SUPT3H: variants seen among roughly 807,000 people sequenced by gnomAD.
The protein encoded by SUPT3H is SPT3 homolog, SAGA and STAGA complex component.
Under a neutral mutation model 44.3 loss-of-function variants are expected in SUPT3H, and 44 were observed. The observed-to-expected ratio is 0.99, with a 90% CI of 0.78 to 1.28. The LOEUF is 1.28. Among genes scored for constraint, SUPT3H ranks in the 50% most tolerant of loss-of-function variants. The probability of loss-of-function intolerance (pLI) is 0.00; values close to 1 mark genes in which losing one functional copy is unlikely to be tolerated. For missense variants in SUPT3H, 380 were observed against 387.1 expected (o/e 0.98, Z 0.15); for synonymous variants, 124 against 125.6 (o/e 0.99, Z 0.09).
intron 7 of SUPT3H, among the ~76,000 whole-genome samples, chr6:44,954,899 T>C (rs925642476): frequency 2.0e-5 from 3 of 152,218 alleles, no homozygotes; most frequent in African/African-American, 7.2e-5. Context: ...GTTTAATACT[T>C]CTCACACTGT....
intron 5 of SUPT3H, among the ~76,000 whole-genome samples, chr6:45,010,351 T>C (rs1783303571): frequency 1.3e-5 from 2 of 152,138 alleles, no homozygotes; most frequent in African/African-American, 4.8e-5. Context: ...AACACCTGGC[T>C]AAAACCTTCA....
intron 6 of SUPT3H, among the ~76,000 whole-genome samples, chr6:44,973,262 C>T (rs191671452): frequency 3.0e-4 from 45 of 152,274 alleles, no homozygotes; most frequent in African/African-American, 1.1e-3. Context: ...TCATCTCTCC[C>T]CAGTTCAAAG....
intron 10 of SUPT3H, among the ~76,000 whole-genome samples, chr6:44,882,033 G>T (rs1778315498): frequency 6.6e-6 from 1 of 152,214 alleles, no homozygotes; most frequent in African/African-American, 2.4e-5. Context: ...ACATAACTAA[G>T]ATCAGAGCAG....
chr6:45,287,270 T>A (rs7751748), intron 2 of SUPT3H, among the ~76,000 whole-genome samples: 118,487 of 141,818 alleles, frequency 0.84, 47,677 homozygotes, highest in East Asian at 0.99. Flanking sequence ...ATAAAAAATA[T>A]AAAAAATTAT....
intron 3 of SUPT3H, among the ~76,000 whole-genome samples, chr6:45,055,894 A>C (rs1476050037): frequency 6.6e-6 from 1 of 152,242 alleles, no homozygotes; most frequent in Non-Finnish European, 1.5e-5. Flanking sequence ...GACAACACAC[A>C]GAATGGGAGA....
chr6:45,058,376 AT>A (rs951004887), intron 3 of SUPT3H, among the ~76,000 whole-genome samples: 9 of 152,108 alleles, frequency 5.9e-5, no homozygotes, highest in Non-Finnish European at 1.2e-4. Flanking sequence ...TATATTCACT[AT>A]TTAAACTCTT....
chr6:44,892,249 T>A (rs1763422663), intron 10 of SUPT3H, among the ~76,000 whole-genome samples: 1 of 152,008 alleles, frequency 6.6e-6, no homozygotes, highest in Non-Finnish European at 1.5e-5. Context: ...AATGAGCTCA[T>A]ATGGTTAGGG....
In SUPT3H at chr6:45,032,486, T is replaced by A. The variant is rs550962250; in HGVS notation, c.187-11854A>T. ...GGCTAGGGAGAAGTTAAGACAGCAA[T>A]GTATATAGAAAAGGAAAAGAGATTC... On this transcript the variant is annotated intron_variant, in intron 3 of 10. Coordinates refer to ENST00000371459, the MANE Select transcript of SUPT3H (RefSeq NM_003599.4). Among the ~76,000 whole-genome samples the A allele has an allele frequency of 3.9e-5, 6 of 152,302 alleles. No individual in the cohort carries two copies. In the South Asian group the frequency reaches 1.2e-3, roughly 32 times the overall value.
chr6:45,310,697 C>T (rs1229360097), intron 2 of SUPT3H, among the ~76,000 whole-genome samples: 1 of 152,138 alleles, frequency 6.6e-6, no homozygotes, highest in East Asian at 1.9e-4. Context: ...GGCAGTTTGG[C>T]TCACAGGAAG....
At position 45,193,190 on chromosome 6, in the gene SUPT3H, CAG is replaced by C. The variant is rs1431585845; in HGVS notation, c.102-87186_102-87185del. 2.6e-5 allele frequency among the ~76,000 whole-genome samples: 4 copies of C among 152,150 alleles called. No individual in the cohort carries two copies. In the East Asian group the frequency reaches 7.7e-4, roughly 29 times the overall value. On this transcript the variant is annotated intron_variant, in intron 2 of 10. Transcript: ENST00000371459. ...TAAATGTTCTTTGAAACTCTCGATTCAGAATAACACATGTACACCAAAAAAAC... is the reference window on the plus strand; with the variant it reads ...TAAATGTTCTTTGAAACTCTCGATTCAATAACACATGTACACCAAAAAAAC...
chr6:45,280,593 TTTGA>T (rs1400379837), intron 2 of SUPT3H, among the ~76,000 whole-genome samples: 2 of 152,188 alleles, frequency 1.3e-5, no homozygotes, highest in Non-Finnish European at 2.9e-5. Context: ...AGGTTTATAC[TTTGA>T]TTATCATTTG....
At chr6:44,919,004 T>C (rs1562044458) in intron 10 of SUPT3H, among the ~76,000 whole-genome samples, 1 of 152,218 alleles carries the variant, frequency 6.6e-6, no homozygotes, top group South Asian at 2.1e-4. Context: ...GTATGGGTGA[T>C]GATGAACTAC....
chr6:44,810,887 CAG>C (rs1766468139), intron 11 of SUPT3H, among the ~76,000 whole-genome samples: 1 of 148,556 alleles, frequency 6.7e-6, no homozygotes, highest in South Asian at 2.1e-4. Flanking sequence ...GCCTGGATGA[CAG>C]AGCGAGAGAC....
intron 1 of SUPT3H, among the ~76,000 whole-genome samples, chr6:45,375,311 T>A (rs1796628762): frequency 6.6e-6 from 1 of 152,236 alleles, no homozygotes; most frequent in African/African-American, 2.4e-5. Flanking sequence ...TATGATGTGG[T>A]CCCAATTCGA....
At chr6:44,919,659 G>T (rs7751298) in intron 10 of SUPT3H, among the ~76,000 whole-genome samples, 16,046 of 152,022 alleles carry the variant, frequency 0.11, 1,042 homozygotes, top group African/African-American at 0.18. Flanking sequence ...TTGTAAACTT[G>T]CTATTTTTTT....
intron 3 of SUPT3H, among the ~76,000 whole-genome samples, chr6:45,104,470 C>G (rs1799007399): frequency 6.6e-6 from 1 of 150,690 alleles, no homozygotes; most frequent in African/African-American, 2.5e-5. Flanking sequence ...AAGAATTCCA[C>G]TATCTTTCAA....
Position 45,069,613 on chromosome 6 carries a change from T to C in SUPT3H, c.186+36309A>G, listed in dbSNP as rs117365082. ...CACTCATAGTCACCTTCCTATTTCC[T>C]AGAAAGTTCCTGTGAAGAGTTTTAA... On this transcript the variant is annotated intron_variant, in intron 3 of 10. Coordinates refer to ENST00000371459, the MANE Select transcript of SUPT3H (RefSeq NM_003599.4). Among the ~76,000 whole-genome samples the C allele has an allele frequency of 5.0e-3, 754 of 152,270 alleles. 25 individuals are homozygous for C. Among genetic ancestry groups the C allele is most frequent in the East Asian group, 0.048 (247 of 5,182 alleles).
At chr6:45,144,050 T>C (rs980155988) in intron 2 of SUPT3H, among the ~76,000 whole-genome samples, 10 of 151,862 alleles carry the variant, frequency 6.6e-5, no homozygotes, top group Non-Finnish European at 1.5e-4. Context: ...AAAACAGTAA[T>C]AAAAAAATTG....
intron 6 of SUPT3H, among the ~76,000 whole-genome samples, chr6:44,992,559 T>A (rs925722342): frequency 2.0e-5 from 3 of 152,174 alleles, no homozygotes; most frequent in African/African-American, 7.2e-5. Flanking sequence ...AAGATACTTG[T>A]GAATATCAGA....
Sources: gnomAD v4.1 joint callset for allele counts (sites outside exome capture counted in the v4.1 genomes callset) on GRCh38, gnomAD v4.1.1 for gene constraint, MANE v1.5 for transcripts, NCBI Gene and HGNC (gene_info 2026-07-23, HGNC 2026-07-21) for gene names.